The following ADGRL2 variants were observed in gnomAD, a reference collection of about 807,000 sequenced individuals.
ADGRL2 encodes the protein adhesion G protein-coupled receptor L2, also known as calcium-independent alpha-latrotoxin receptor 2.
In ADGRL2, 44 loss-of-function variants were observed where a neutral mutation model predicts 157.4. The ratio of observed to expected loss-of-function variants is 0.28; its 90% CI spans 0.22 to 0.36. The LOEUF is 0.36. Ranked by LOEUF, ADGRL2 falls within the 10% of genes least tolerant of loss-of-function variation. The pLI, the probability that ADGRL2 is intolerant of heterozygous loss-of-function variation, is 1.00. For missense variants in ADGRL2, 1,510 were observed against 1,768.9 expected, an observed-to-expected ratio of 0.85 and a Z score of 2.63; for synonymous variants, 585 against 624.7, an observed-to-expected ratio of 0.94 and a Z score of 0.95.
chr1:81,637,041 G>T, intron 3 of ADGRL2, among the ~76,000 whole-genome samples: 1 of 152,070 alleles, frequency 6.6e-6, no homozygotes, highest in East Asian at 1.9e-4. Flanking sequence ...TCACCATGTT[G>T]GCCAGTTTGA....
chr1:81,432,722 CG>C (rs2077344191), intron 1 of ADGRL2, among the ~76,000 whole-genome samples: 3 of 152,128 alleles, frequency 2.0e-5, no homozygotes, highest in African/African-American at 7.2e-5. Flanking sequence ...GTCAAGCTGT[CG>C]TTGGAACATC....
chr1:81,482,752 T>C (rs2078415952), intron 2 of ADGRL2, among the ~76,000 whole-genome samples: 1 of 151,950 alleles, frequency 6.6e-6, no homozygotes, highest in Admixed American at 6.6e-5. Flanking sequence ...TTCCTATAGG[T>C]TATCATTCTG....
chr1:81,553,763 G>A (rs1437915828), intron 2 of ADGRL2, among the ~76,000 whole-genome samples: 1 of 152,166 alleles, frequency 6.6e-6, no homozygotes, highest in African/African-American at 2.4e-5. Flanking sequence ...AAACTTTACT[G>A]TTATTACAGT....
intron 11 of ADGRL2, among the ~76,000 whole-genome samples, chr1:81,956,649 A>G (rs1044219534): frequency 4.6e-5 from 7 of 152,216 alleles, no homozygotes; most frequent in Non-Finnish European, 1.0e-4. Context: ...TCACTTGTGA[A>G]AAATATTTGA....
intron 1 of ADGRL2, among the ~76,000 whole-genome samples, chr1:81,713,782 C>A (rs1346522449): frequency 1.3e-5 from 2 of 152,154 alleles, no homozygotes; most frequent in Non-Finnish European, 2.9e-5. Context: ...TATGCAAAGA[C>A]CCTGAGGGGC....
intron 3 of ADGRL2, among the ~76,000 whole-genome samples, chr1:81,917,289 T>A (rs570378869): frequency 3.3e-5 from 5 of 152,284 alleles, no homozygotes; most frequent in African/African-American, 1.2e-4. Flanking sequence ...TTGTACATTA[T>A]CTGAGGAGAA....
At chr1:81,659,316 A>G (rs2082604334) in intron 3 of ADGRL2, among the ~76,000 whole-genome samples, 1 of 151,826 alleles carries the variant, frequency 6.6e-6, no homozygotes, top group South Asian at 2.1e-4. Context: ...CCTGCCTTGG[A>G]CTTCCAGAGT....
chr1:81,763,601 A>G (rs1337398212), intron 2 of ADGRL2, among the ~76,000 whole-genome samples: 1 of 146,394 alleles, frequency 6.8e-6, no homozygotes. Context: ...AAAAAAAAAA[A>G]GGGCCAGGTG....
intron 1 of ADGRL2, among the ~76,000 whole-genome samples, chr1:81,438,969 C>T (rs975487837): frequency 6.6e-6 from 1 of 152,090 alleles, no homozygotes; most frequent in African/African-American, 2.4e-5. Flanking sequence ...CTAACTTCTA[C>T]CCATTATTTA....
At chr1:81,903,728 T>TATATATAC (rs1000756095) in intron 2 of ADGRL2, among the ~76,000 whole-genome samples, 3 of 146,338 alleles carry the variant, frequency 2.1e-5, no homozygotes, top group African/African-American at 7.5e-5. Context: ...TATATATATA[T>TATATATAC]ACATTATATA....
At chr1:81,787,185 C>T (rs2087093282) in intron 2 of ADGRL2, among the ~76,000 whole-genome samples, 1 of 152,154 alleles carries the variant, frequency 6.6e-6, no homozygotes, top group Non-Finnish European at 1.5e-5. Context: ...ACCTCTTTTC[C>T]TTCCCAGTCT....
rs72719418 is a variant in ADGRL2 at position 81,985,905 on chromosome 1, T to C, written c.3508+550T>C. On this transcript the variant is annotated intron_variant, in intron 21 of 23. Coordinates refer to ENST00000686636, the MANE Select transcript of ADGRL2 (RefSeq NM_001366006.2). The stretch of plus-strand genomic sequence containing the variant: ...CATTCCAATTTAGTATGAAAAATTA[T>C]ATGGTATTGTATATATCCTTGGAAA... 8.2e-3 allele frequency among the ~76,000 whole-genome samples: 1,243 copies of C among 152,124 alleles called. 11 individuals are homozygous for C. The highest frequency in any genetic ancestry group is 0.017 in the Middle Eastern group (5 of 290).
chr1:81,518,012 C>T (rs1387154834), intron 2 of ADGRL2, among the ~76,000 whole-genome samples: 1 of 152,246 alleles, frequency 6.6e-6, no homozygotes, highest in Non-Finnish European at 1.5e-5. Flanking sequence ...CCATACTTAA[C>T]ACCTTAGATA....
At chr1:81,912,893 T>C (rs1188607988) in intron 3 of ADGRL2, among the ~76,000 whole-genome samples, 1 of 152,188 alleles carries the variant, frequency 6.6e-6, no homozygotes, top group Non-Finnish European at 1.5e-5. Context: ...AATTAGGTAG[T>C]ACTCTGGTCA....
intron 1 of ADGRL2, among the ~76,000 whole-genome samples, chr1:81,319,169 A>C: frequency 6.8e-6 from 1 of 147,356 alleles, no homozygotes; most frequent in Admixed American, 6.8e-5. Flanking sequence ...CTGGTCTTGA[A>C]CTCCCGACCT....
chr1:81,939,389 G>A (rs1021171720), intron 4 of ADGRL2, among the ~76,000 whole-genome samples: 2 of 151,458 alleles, frequency 1.3e-5, no homozygotes, highest in Non-Finnish European at 3.0e-5. Flanking sequence ...TTGGAATTTT[G>A]CATCCTGCAA....
intron 2 of ADGRL2, among the ~76,000 whole-genome samples, chr1:81,903,601 A>C (rs992494222): frequency 6.6e-6 from 1 of 151,624 alleles, no homozygotes; most frequent in African/African-American, 2.4e-5. Flanking sequence ...TTGAACATAA[A>C]ACAAAGTGAT....
intron 1 of ADGRL2, among the ~76,000 whole-genome samples, chr1:81,801,314 C>G (rs754893701): frequency 3.0e-4 from 46 of 152,078 alleles, no homozygotes; most frequent in Non-Finnish European, 5.9e-4. Context: ...GCCCAACTGG[C>G]GGGGAGGGCG....
rs1368158201 is a variant in ADGRL2, at chr1:81,951,055, A to G, written c.1542A>G (p.Thr514=). 5 of 1,613,338 alleles carry G rather than the reference A, an allele frequency of 3.1e-6. No homozygotes were observed. ...ASYLCMISTG[T]WNPKGPDLSN... is the part of the protein sequence containing the mutation. ...ATCTCTGCATGATTTCCACTGGAAC[A>G]TGGAACCCTAAGGGCCCCGATCTTA... is the stretch of plus-strand genomic sequence containing the variant. The change falls in exon 8 of 24, where the codon ACA becomes ACG. Residue 514 remains threonine (T), a synonymous_variant. Transcript: ENST00000686636.
Sources: allele counts gnomAD v4.1 joint callset (sites outside exome capture counted in the v4.1 genomes callset), GRCh38; gene constraint gnomAD v4.1.1; transcripts MANE v1.5; gene names NCBI Gene and HGNC (gene_info 2026-07-23, HGNC 2026-07-21).